The following CTNNA3 variants were observed in gnomAD, a reference collection of about 807,000 sequenced individuals.
The protein encoded by CTNNA3 is catenin alpha 3, also known as catenin alpha-3.
A neutral mutation model predicts 95.7 loss-of-function variants in CTNNA3; 76 were observed. The ratio of observed to expected loss-of-function variants is 0.79; its 90% CI spans 0.66 to 0.96. CTNNA3 has a LOEUF of 0.96. CTNNA3 is among the 40% of genes least tolerant of loss of function. The pLI is 0.00. For missense variants in CTNNA3, 1,191 were observed against 1,089.8 expected (o/e 1.09, Z -1.31); for synonymous variants, 431 against 374.4 (o/e 1.15, Z -1.74).
chr10:67,008,143 G>C lies in CTNNA3; in HGVS notation c.1047+172174C>G, dbSNP rs1380884294. Among the ~76,000 whole-genome samples the C allele has an allele frequency of 2.6e-5, 4 of 151,490 alleles. No individual in the cohort carries two copies. The East Asian group carries it at 7.7e-4, about 29-fold the overall frequency. On this transcript the variant is annotated intron_variant, in intron 7 of 17. Coordinates refer to ENST00000433211, the MANE Select transcript of CTNNA3 (RefSeq NM_013266.4). ...TAAATGTTTCTTAACACTCCAAAATGTATTGTGTAATAAAATATTGATGAG... is the reference window on the plus strand; with the variant it reads ...TAAATGTTTCTTAACACTCCAAAATCTATTGTGTAATAAAATATTGATGAG...
intron 7 of CTNNA3, among the ~76,000 whole-genome samples, chr10:66,907,928 C>T (rs1287546510): frequency 1.3e-5 from 2 of 152,136 alleles, no homozygotes; most frequent in African/African-American, 4.8e-5. Context: ...TCAAAACATC[C>T]ATATGAATTT....
At chr10:67,609,507 T>A (rs911563927) in intron 2 of CTNNA3, among the ~76,000 whole-genome samples, 2 of 152,172 alleles carry the variant, frequency 1.3e-5, no homozygotes, top group African/African-American at 4.8e-5. Context: ...CATTTTCATC[T>A]GCCCTCCTAC....
intron 7 of CTNNA3, among the ~76,000 whole-genome samples, chr10:66,957,561 G>A (rs907768397): frequency 6.6e-6 from 1 of 151,552 alleles, no homozygotes; most frequent in Non-Finnish European, 1.5e-5. Context: ...CTGGGTCCCA[G>A]TCCCAGCACT....
intron 7 of CTNNA3, among the ~76,000 whole-genome samples, chr10:67,172,332 C>G (rs1218897378): frequency 6.6e-6 from 1 of 152,144 alleles, no homozygotes; most frequent in African/African-American, 2.4e-5. Flanking sequence ...GTTGTTAGTA[C>G]TTTGAAACCA....
At chr10:67,636,421 ACT>A (rs1839313731) in intron 2 of CTNNA3, among the ~76,000 whole-genome samples, 1 of 152,186 alleles carries the variant, frequency 6.6e-6, no homozygotes, top group Non-Finnish European at 1.5e-5. Flanking sequence ...TTCAAACTAT[ACT>A]ACAGGGCTAC....
intron 7 of CTNNA3, among the ~76,000 whole-genome samples, chr10:66,815,808 AG>A (rs1388503704): frequency 6.6e-6 from 1 of 152,208 alleles, no homozygotes; most frequent in Non-Finnish European, 1.5e-5. Flanking sequence ...GAAAAGAAAA[AG>A]TGAGACAATT....
intron 9 of CTNNA3, among the ~76,000 whole-genome samples, chr10:66,702,149 C>T (rs533529247): frequency 6.6e-6 from 1 of 150,950 alleles, no homozygotes; most frequent in African/African-American, 2.4e-5. Flanking sequence ...AAAAAAAAAA[C>T]AAATGTGTCC....
At chr10:66,451,835 C>T (rs1474251404) in intron 11 of CTNNA3, among the ~76,000 whole-genome samples, 31 of 152,164 alleles carry the variant, frequency 2.0e-4, no homozygotes, top group Admixed American at 2.0e-3. Context: ...AATGCTAACT[C>T]CTACTTCCTA....
At chr10:66,210,585 A>G (rs1329786905) in intron 13 of CTNNA3, among the ~76,000 whole-genome samples, 1 of 152,158 alleles carries the variant, frequency 6.6e-6, no homozygotes, top group Non-Finnish European at 1.5e-5. Flanking sequence ...ATACATAAAT[A>G]AATGTATACA....
intron 13 of CTNNA3, among the ~76,000 whole-genome samples, chr10:66,176,287 A>AGG (rs1409183959): frequency 7.9e-5 from 12 of 152,166 alleles, no homozygotes; most frequent in African/African-American, 2.7e-4. Flanking sequence ...AAAAGGAGAA[A>AGG]GGATAATGCT....
At chr10:67,698,044 A>G (rs1841000669), upstream of CTNNA3, among the ~76,000 whole-genome samples, 1 of 152,250 alleles carries the variant, frequency 6.6e-6, no homozygotes, top group African/African-American at 2.4e-5. Flanking sequence ...TGTAAACTAC[A>G]CAGCCCCTGC....
At chr10:66,028,023 T>C (rs1748068488) in intron 15 of CTNNA3, among the ~76,000 whole-genome samples, 2 of 152,176 alleles carry the variant, frequency 1.3e-5, no homozygotes, top group Admixed American at 6.5e-5. Flanking sequence ...CCTGCATAAG[T>C]ATATAGGCCC....
chr10:66,077,060 T>TAAG (rs1484104843), intron 14 of CTNNA3, among the ~76,000 whole-genome samples: 1 of 151,724 alleles, frequency 6.6e-6, no homozygotes, highest in Non-Finnish European at 1.5e-5. Context: ...TAAGGAAAAT[T>TAAG]AAGAAGTGAT....
chr10:67,695,725 T>G (rs185077552), intron 1 of CTNNA3, among the ~76,000 whole-genome samples: 1 of 152,308 alleles, frequency 6.6e-6, no homozygotes, highest in Non-Finnish European at 1.5e-5. Flanking sequence ...CGGCTTTTTA[T>G]AGCCAGAAAC....
chr10:66,716,759 T>C (rs892287278), intron 9 of CTNNA3, among the ~76,000 whole-genome samples: 2 of 152,126 alleles, frequency 1.3e-5, no homozygotes, highest in African/African-American at 2.4e-5. Flanking sequence ...AGTTTTAAGG[T>C]GCTATCCTAG....
At chr10:66,785,118 G>C (rs1840690413) in intron 7 of CTNNA3, among the ~76,000 whole-genome samples, 1 of 152,116 alleles carries the variant, frequency 6.6e-6, no homozygotes, top group South Asian at 2.1e-4. Context: ...CTATTGCCTA[G>C]ATCAGTAAAA....
chr10:65,937,316 C>T (rs1411934736), intron 17 of CTNNA3, among the ~76,000 whole-genome samples: 1 of 152,012 alleles, frequency 6.6e-6, no homozygotes, highest in African/African-American at 2.4e-5. Context: ...TTACAAACTT[C>T]AAGCAGCAAT....
At chr10:66,840,370 TCTCACA>T (rs1275374516) in intron 7 of CTNNA3, among the ~76,000 whole-genome samples, 293 of 74,740 alleles carry the variant, frequency 3.9e-3, no homozygotes, top group African/African-American at 0.013. Context: ...TCTCTCTCTC[TCTCACA>T]CACACACACA....
chr10:67,007,480 T>C (rs1478028059), intron 7 of CTNNA3, among the ~76,000 whole-genome samples: 1 of 152,032 alleles, frequency 6.6e-6, no homozygotes, highest in Non-Finnish European at 1.5e-5. Context: ...AGATAAAATA[T>C]TTGACAAGCA....
Sources: allele counts gnomAD v4.1 joint callset (sites outside exome capture counted in the v4.1 genomes callset), GRCh38; gene constraint gnomAD v4.1.1; transcripts MANE v1.5; gene names NCBI Gene and HGNC (gene_info 2026-07-23, HGNC 2026-07-21).